Variants in PISD observed in about 807,000 individuals in gnomAD.
The protein encoded by PISD is phosphatidylserine decarboxylase proenzyme, mitochondrial.
Under a neutral mutation model 43.5 loss-of-function variants are expected in PISD, and 31 were observed. The observed-to-expected ratio is 0.71, with a 90% CI of 0.54 to 0.96. The LOEUF (loss-of-function observed/expected upper bound fraction) is 0.96, where lower values mean the gene tolerates loss of function less well. Among genes scored for constraint, PISD ranks in the 40% least tolerant of loss-of-function variants. PISD has a pLI of 0.00. For missense variants in PISD, 523 were observed against 548.4 expected (o/e 0.95, Z 0.46); for synonymous variants, 259 against 228.7 (o/e 1.13, Z -1.20).
rs2072243402 is a variant in PISD at position 31,618,539 on chromosome 22, T to C, written c.*1073A>G. On this transcript the variant is annotated 3_prime_UTR_variant, in exon 8 of 8. Transcript: ENST00000439502. ...TCAAAATGCTTTGCAATTAAATGAA[T>C]TACTGTTCAGAAGTCTCCCACTTTT... is the stretch of plus-strand genomic sequence containing the variant. 1.9e-6 allele frequency: 2 copies of C among 1,054,072 alleles called. No homozygotes were observed. The highest frequency in any genetic ancestry group is 6.6e-5 in the Admixed American group (2 of 30,226). 65.3% of individuals were successfully genotyped at this position (1,054,072 alleles called of 1,614,324 possible).
At chr22:31,636,490 G>A (rs1601386500) in intron 3 of PISD, among the ~76,000 whole-genome samples, 1 of 151,976 alleles carries the variant, frequency 6.6e-6, no homozygotes, top group African/African-American at 2.4e-5. Context: ...AGCCTCCCAA[G>A]TAGCTGGGAT....
rs184099760 is a variant in PISD, at chr22:31,619,091, G to A, written c.*521C>T. 252 of 249,914 alleles carry A rather than the reference G, an allele frequency of 1.0e-3. No homozygotes were observed. Among genetic ancestry groups the A allele is most frequent in the African/African-American group, 5.0e-3 (221 of 44,008 alleles). 15.5% of individuals were successfully genotyped at this position (249,914 alleles called of 1,614,324 possible). Reference sequence around the variant, plus strand: ...CTGCTTTTTCTAAAGAGCAGGATGAGGTGAATGTGGGAACGGAAAGCAGTT... The same window carrying A: ...CTGCTTTTTCTAAAGAGCAGGATGAAGTGAATGTGGGAACGGAAAGCAGTT... On this transcript the variant is annotated 3_prime_UTR_variant, in exon 8 of 8. Transcript: ENST00000439502.
rs778922536 is a variant in PISD at position 31,621,866 on chromosome 22, A to G, written c.341T>C (p.Val114Ala). The G allele has an allele frequency of 1.2e-6, 2 of 1,608,884 alleles. No homozygotes were observed. The highest frequency in any genetic ancestry group is 1.7e-6 in the Non-Finnish European group (2 of 1,179,958). Residue 114 changes from valine (V) to alanine (A), a missense_variant, in exon 4 of 8, where the codon GTG becomes GCG. Val to Ala is a moderately conservative substitution (Grantham distance 64). Coordinates refer to ENST00000439502, the MANE Select transcript of PISD (RefSeq NM_001326411.2). ...GGCCCGTGACAGCAAGCGCGTTGGC[A>G]CTGACTTGTACAAAGCCACCTGCAG... is the stretch of plus-strand genomic sequence containing the variant. ...GHWEVALYKS[V>A]PTRLLSRAWG...
chr22:31,651,288 GTCA>G (rs925789560), intron 1 of PISD, among the ~76,000 whole-genome samples: 31 of 152,238 alleles, frequency 2.0e-4, no homozygotes, highest in African/African-American at 7.5e-4. Flanking sequence ...AAAGCAAAAG[GTCA>G]TCAAGTTGGC....
intron 6 of PISD, 64 bp downstream of exon 6, chr22:31,620,932 G>A (rs1191953973): frequency 3.3e-6 from 5 of 1,528,740 alleles, no homozygotes; most frequent in Non-Finnish European, 3.5e-6. Context: ...CCAACACCAA[G>A]AAGCTGAGAG....
intron 3 of PISD, chr22:31,626,022 GCAGA>G (rs2072890306): frequency 5.6e-6 from 8 of 1,435,364 alleles, no homozygotes; most frequent in South Asian, 1.5e-5. Flanking sequence ...CAGGGCTATT[GCAGA>G]CAGACAGGCA....
At chr22:31,659,378 C>T (rs2055219167) in intron 1 of PISD, among the ~76,000 whole-genome samples, 1 of 152,142 alleles carries the variant, frequency 6.6e-6, no homozygotes, top group East Asian at 1.9e-4. Context: ...CTTCCCTTCT[C>T]TCTTCTCCCT....
chr22:31,631,068 G>C (rs973568605), intron 3 of PISD, among the ~76,000 whole-genome samples: 1 of 152,246 alleles, frequency 6.6e-6, no homozygotes, highest in African/African-American at 2.4e-5. Flanking sequence ...AGCTCTGCTT[G>C]GTCACTGTCA....
intron 7 of PISD, among the ~76,000 whole-genome samples, chr22:31,620,133 TCA>T (rs760256951): frequency 1.4e-4 from 22 of 152,266 alleles, no homozygotes; most frequent in Non-Finnish European, 2.5e-4. Flanking sequence ...AGGCCGTTGG[TCA>T]CAAACTGACA....
chr22:31,639,852 C>T (rs2073637606), intron 3 of PISD, among the ~76,000 whole-genome samples: 3 of 152,164 alleles, frequency 2.0e-5, no homozygotes, highest in Admixed American at 2.0e-4. Context: ...AGCCACAAGC[C>T]ACACCTGTGG....
chr22:31,650,739 T>G lies in PISD; in HGVS notation c.105A>C (p.Leu35=). 4 of 1,556,410 alleles carry G rather than the reference T, an allele frequency of 2.6e-6. No individual in the cohort carries two copies. Among genetic ancestry groups the G allele is most frequent in the Non-Finnish European group, 3.5e-6 (4 of 1,149,870 alleles). Residue 35 remains leucine, a synonymous_variant, in exon 2 of 8, where the codon CTA becomes CTC. Transcript: ENST00000439502. ...TAAAAGGCAGCTTCCGTAAGGGCTGTAGGGATTGGCTCAGGGCAGTGATCT... is the reference window on the plus strand; with the variant it reads ...TAAAAGGCAGCTTCCGTAAGGGCTGGAGGGATTGGCTCAGGGCAGTGATCT... ...PCEITALSQS[L]QPLRKLPFRA... is the part of the protein sequence containing the mutation.
intron 3 of PISD, chr22:31,625,564 G>A (rs2072859267): frequency 4.7e-6 from 3 of 638,084 alleles, no homozygotes; most frequent in South Asian, 3.9e-5. Flanking sequence ...CCTCCTCATG[G>A]TTGGAACCAA....
At chr22:31,640,946 G>T (rs1394554676) in intron 3 of PISD, among the ~76,000 whole-genome samples, 1 of 130,984 alleles carries the variant, frequency 7.6e-6, no homozygotes, top group African/African-American at 2.9e-5. Context: ...GGAGTGCAAT[G>T]GCGCAATCTC....
chr22:31,639,606 GA>G (rs1349190144), intron 3 of PISD, among the ~76,000 whole-genome samples: 1 of 152,140 alleles, frequency 6.6e-6, no homozygotes, highest in African/African-American at 2.4e-5. Flanking sequence ...TCAATTTCAG[GA>G]AAAGAGGAAA....
chr22:31,619,602 G>T lies in PISD; in HGVS notation c.*10C>A. ...AAGATCCCTTAGCAGCCATAATCAG[G>T]AAAGAGACTCTAGAGCGAGCCCAGG... On this transcript the variant is annotated 3_prime_UTR_variant, in exon 8 of 8. Transcript: ENST00000439502. 6.2e-7 allele frequency: 1 copy of T among 1,607,454 alleles called. No individual in the cohort carries two copies. Among genetic ancestry groups the T allele is most frequent in the Non-Finnish European group, 8.5e-7 (1 of 1,174,104 alleles).
At chr22:31,648,407 A>G (rs2073940927) in intron 2 of PISD, 131 bp from the exon 3 acceptor site, 2 of 705,060 alleles carry the variant, frequency 2.8e-6, no homozygotes, top group East Asian at 2.8e-5. Flanking sequence ...GACCAGGCAC[A>G]TGGCTCACGC....
chr22:31,657,713 G>T (rs1030448810), intron 1 of PISD, among the ~76,000 whole-genome samples: 1 of 151,792 alleles, frequency 6.6e-6, no homozygotes, highest in Non-Finnish European at 1.5e-5. Flanking sequence ...TTTTAGTAGT[G>T]ACAGGGTTTG....
rs200250955 is a variant in PISD, at chr22:31,621,056, C to T, written c.784G>A (p.Asp262Asn). Residue 262 changes from aspartate (D) to asparagine (N), a missense_variant, in exon 6 of 8, where the codon GAC becomes AAC. Asp to Asn is a conservative substitution (Grantham distance 23). Transcript: ENST00000439502. ...GTGGGGGAGTGGAAGCAGTGGTAGT[C>T]CCCAGGGGCCAGGTAGATGACACAG... ...YHCVIYLAPG[D>N]YHCFHSPTDW... The T allele has an allele frequency of 6.2e-7, 1 of 1,613,844 alleles. No homozygotes were observed. The highest frequency in any genetic ancestry group is 8.5e-7 in the Non-Finnish European group (1 of 1,179,924).
At chr22:31,636,107 G>A (rs1185210837) in intron 3 of PISD, among the ~76,000 whole-genome samples, 3 of 152,162 alleles carry the variant, frequency 2.0e-5, no homozygotes, top group East Asian at 1.9e-4. Flanking sequence ...GGTACACCGC[G>A]GCGCCAGGAC....
Sources: gnomAD v4.1 joint callset for allele counts (sites outside exome capture counted in the v4.1 genomes callset) on GRCh38, gnomAD v4.1.1 for gene constraint, MANE v1.5 for transcripts, NCBI Gene and HGNC (gene_info 2026-07-23, HGNC 2026-07-21) for gene names.